The following EYS variants were observed in gnomAD, a reference collection of about 807,000 sequenced individuals.
EYS encodes protein eyes shut homolog.
In EYS, 250 loss-of-function variants were observed where a neutral mutation model predicts 282.1. That is an observed-to-expected ratio of 0.89 (90% CI 0.80 to 0.98). The LOEUF is 0.98. Among genes scored for constraint, EYS ranks in the 50% least tolerant of loss-of-function variants. The pLI is 0.00. For synonymous variants in EYS, 1,355 were observed against 1,282.9 expected (o/e 1.06, Z -1.20); for missense variants, 4,016 against 3,709.0 (o/e 1.08, Z -2.15).
At chr6:64,690,399 C>A (rs895479960) in intron 22 of EYS, among the ~76,000 whole-genome samples, 1 of 152,114 alleles carries the variant, frequency 6.6e-6, no homozygotes, top group Non-Finnish European at 1.5e-5. Context: ...ACTAGTTCAA[C>A]CATCGTGGAA....
rs759656690 is a variant in EYS, at chr6:65,003,625, G to A, written c.2138-5922C>T. On this transcript the variant is annotated intron_variant, in intron 13 of 42. Coordinates refer to ENST00000503581, the MANE Select transcript of EYS (RefSeq NM_001142800.2). ...GTTTTGTGTCTTGTGGGGCATCACA[G>A]AACCTACCAACATGGGATGTCTCCC... Among the ~76,000 whole-genome samples, 12 of 147,068 alleles carry A rather than the reference G, an allele frequency of 8.2e-5. 1 individual carries two copies. The highest frequency in any genetic ancestry group is 1.7e-4 in the Non-Finnish European group (11 of 65,810).
intron 1 of EYS, among the ~76,000 whole-genome samples, chr6:65,658,119 T>C (rs779180152): frequency 1.6e-4 from 25 of 151,884 alleles, no homozygotes; most frequent in Non-Finnish European, 3.4e-4. Flanking sequence ...GGTAACCAAA[T>C]AGCTTGTGGG....
chr6:63,725,375 C>T (rs555526223), intron 42 of EYS, among the ~76,000 whole-genome samples: 1 of 152,038 alleles, frequency 6.6e-6, no homozygotes, highest in Non-Finnish European at 1.5e-5. Flanking sequence ...ACAATATTCC[C>T]AGCCAGTCAC....
chr6:64,143,343 G>A (rs1359356483), intron 31 of EYS, among the ~76,000 whole-genome samples: 2 of 123,900 alleles, frequency 1.6e-5, no homozygotes, highest in African/African-American at 6.3e-5. Context: ...TGTAAATGCA[G>A]GTTCATTTAT....
At chr6:65,331,122 C>T (rs1769782209) in intron 11 of EYS, 1 of 972,274 alleles carries the variant, frequency 1.0e-6, no homozygotes, top group Non-Finnish European at 1.2e-6. Flanking sequence ...TCAAAGATGA[C>T]TTCATAATTT....
At chr6:64,449,845 T>A (rs562746425) in intron 26 of EYS, among the ~76,000 whole-genome samples, 22 of 151,864 alleles carry the variant, frequency 1.4e-4, no homozygotes, top group African/African-American at 5.1e-4. Flanking sequence ...CTAAAAGAGC[T>A]CCTGAAGGAA....
At chr6:63,825,243 G>A (rs1330295714) in intron 36 of EYS, among the ~76,000 whole-genome samples, 1 of 152,162 alleles carries the variant, frequency 6.6e-6, no homozygotes, top group Non-Finnish European at 1.5e-5. Context: ...AGCAGCCACA[G>A]CAAAACCTAT....
chr6:65,327,403 A>G (rs1769654264), intron 11 of EYS, among the ~76,000 whole-genome samples: 1 of 151,418 alleles, frequency 6.6e-6, no homozygotes, highest in South Asian at 2.1e-4. Context: ...TGAAATGTGA[A>G]TTGTGTTTTA....
intron 8 of EYS, among the ~76,000 whole-genome samples, chr6:65,360,223 ATATCT>A (rs1157155569): frequency 1.3e-5 from 2 of 152,058 alleles, no homozygotes; most frequent in Admixed American, 6.6e-5. Context: ...TATTTCTAAA[ATATCT>A]TATTCTATCC....
chr6:63,724,373 A>AT (rs550011828), intron 42 of EYS, among the ~76,000 whole-genome samples: 149 of 152,114 alleles, frequency 9.8e-4, no homozygotes, highest in African/African-American at 3.4e-3. Context: ...TTGTATATAC[A>AT]TTTTTTTCTG....
chr6:65,629,458 A>G (rs966971050), intron 2 of EYS, among the ~76,000 whole-genome samples: 51 of 152,210 alleles, frequency 3.4e-4, no homozygotes, highest in African/African-American at 9.9e-4. Flanking sequence ...TCTTCTAGGT[A>G]GGATATCTGA....
Position 64,022,849 on chromosome 6 carries a change from G to A in EYS, c.6726-23666C>T, listed in dbSNP as rs1039971726. ...TAACATTTCTTCTTTTTATAAAACC[G>A]CCAACCTTCTCTTTGTTCTTTAGAC... On this transcript the variant is annotated intron_variant, in intron 33 of 42. Coordinates refer to ENST00000503581, the MANE Select transcript of EYS (RefSeq NM_001142800.2). 5.3e-5 allele frequency among the ~76,000 whole-genome samples: 8 copies of A among 152,094 alleles called. No homozygotes were observed. In the East Asian group the frequency reaches 9.6e-4, roughly 18 times the overall value.
At chr6:65,618,356 G>A (rs1188997645) in intron 2 of EYS, among the ~76,000 whole-genome samples, 1 of 152,258 alleles carries the variant, frequency 6.6e-6, no homozygotes, top group African/African-American at 2.4e-5. Context: ...GTCTTCTTTT[G>A]AGAAGTGTCT....
intron 2 of EYS, among the ~76,000 whole-genome samples, chr6:65,517,748 G>A (rs1300862671): frequency 1.3e-5 from 2 of 151,932 alleles, no homozygotes; most frequent in African/African-American, 4.8e-5. Flanking sequence ...CAGGCATACA[G>A]GACACCAACG....
chr6:63,961,014 G>A (rs557939880), intron 35 of EYS, among the ~76,000 whole-genome samples: 2 of 152,276 alleles, frequency 1.3e-5, no homozygotes, highest in South Asian at 4.1e-4. Flanking sequence ...CTTAGTCATT[G>A]CCTTTTACTA....
chr6:63,744,415 A>G (rs1769159989), intron 41 of EYS: 1 of 152,264 alleles, frequency 6.6e-6, no homozygotes, highest in East Asian at 1.9e-4. Flanking sequence ...CCCTACCCTT[A>G]AAATCACTGA....
chr6:65,044,905 A>G (rs1480144512), intron 13 of EYS, among the ~76,000 whole-genome samples: 5 of 151,866 alleles, frequency 3.3e-5, no homozygotes, highest in South Asian at 2.1e-4. Context: ...TTCTACACTT[A>G]AAATTGCAGC....
chr6:63,930,211 T>C (rs1410585080), intron 35 of EYS, among the ~76,000 whole-genome samples: 2 of 152,172 alleles, frequency 1.3e-5, no homozygotes, highest in Non-Finnish European at 2.9e-5. Flanking sequence ...TATATATGTA[T>C]TAAAACATTA....
intron 41 of EYS, chr6:63,741,858 TAGGGTAGTC>T (rs1211374177): frequency 5.0e-5 from 35 of 699,070 alleles, no homozygotes; most frequent in Non-Finnish European, 8.4e-5. Flanking sequence ...AAAGCTGTAC[TAGGGTAGTC>T]AGGGTAGTCG....
Sources: gnomAD v4.1 joint callset for allele counts (sites outside exome capture counted in the v4.1 genomes callset) on GRCh38, gnomAD v4.1.1 for gene constraint, MANE v1.5 for transcripts, NCBI Gene and HGNC (gene_info 2026-07-23, HGNC 2026-07-21) for gene names.